Variants in TMPRSS15 observed in about 807,000 individuals in gnomAD.
The protein encoded by TMPRSS15 is transmembrane serine protease 15, also known as enteropeptidase.
In TMPRSS15, 128 loss-of-function variants were observed where a neutral mutation model predicts 125.3. That is an observed-to-expected ratio of 1.02 (90% CI 0.89 to 1.18). The LOEUF is 1.18. TMPRSS15 is among the 50% of genes most tolerant of loss of function. The probability of loss-of-function intolerance (pLI) is 0.00; values close to 1 mark genes in which losing one functional copy is unlikely to be tolerated. For missense variants in TMPRSS15, 1,283 were observed against 1,212.7 expected (o/e 1.06, Z -0.86); for synonymous variants, 446 against 423.2 (o/e 1.05, Z -0.66).
rs1463165498 is a variant in TMPRSS15 at position 18,344,085 on chromosome 21, A to G, written c.1172-25T>C. Reference sequence around the variant, plus strand: ...CCTGTAAAAATATCAAAAAAAATTTATTTCACTTAAATATTGCATTTTCAT... The same window carrying G: ...CCTGTAAAAATATCAAAAAAAATTTGTTTCACTTAAATATTGCATTTTCAT... On this transcript the variant is annotated intron_variant, in intron 10 of 24. Transcript: ENST00000284885. 3.2e-6 allele frequency: 5 copies of G among 1,577,300 alleles called. No individual in the cohort carries two copies. The South Asian group carries it at 4.4e-5, about 14-fold the overall frequency.
intron 3 of TMPRSS15, among the ~76,000 whole-genome samples, chr21:18,386,691 T>C (rs180686573): frequency 4.1e-4 from 62 of 152,332 alleles, no homozygotes; most frequent in Non-Finnish European, 8.8e-5. Context: ...TAAAATGAAG[T>C]GAGAGTGAAC....
intron 16 of TMPRSS15, 122 bp downstream of exon 16, chr21:18,326,310 G>A (rs1412185000): frequency 4.5e-6 from 6 of 1,343,442 alleles, no homozygotes; most frequent in Non-Finnish European, 6.4e-6. Flanking sequence ...TCATTAAGAT[G>A]AGGAAGAATA....
intron 16 of TMPRSS15, among the ~76,000 whole-genome samples, chr21:18,323,602 A>C (rs1488702716): frequency 6.6e-6 from 1 of 152,214 alleles, no homozygotes; most frequent in Non-Finnish European, 1.5e-5. Context: ...AATTGTTTGG[A>C]TACCTCAATA....
At chr21:18,415,861 C>T (rs147015414) in intron 1 of TMPRSS15, among the ~76,000 whole-genome samples, 140 of 152,146 alleles carry the variant, frequency 9.2e-4, no homozygotes, top group African/African-American at 2.6e-3. Context: ...ATAAAATGTT[C>T]TCTGTTTGTA....
intron 1 of TMPRSS15, among the ~76,000 whole-genome samples, chr21:18,454,649 A>G (rs1569072212): frequency 6.6e-6 from 1 of 152,114 alleles, no homozygotes; most frequent in African/African-American, 2.4e-5. Context: ...GCCAGAGTCT[A>G]AAGGCTGGAG....
chr21:18,432,863 C>G (rs759812688), intron 1 of TMPRSS15, among the ~76,000 whole-genome samples: 1 of 152,080 alleles, frequency 6.6e-6, no homozygotes, highest in Admixed American at 6.5e-5. Flanking sequence ...CAGTAAAATT[C>G]TTCTCTAGTT....
chr21:18,365,191 G>C lies in TMPRSS15; in HGVS notation c.722C>G (p.Thr241Ser). The C allele has an allele frequency of 6.2e-7, 1 of 1,614,096 alleles. No individual in the cohort carries two copies. Among genetic ancestry groups the C allele is most frequent in the African/African-American group, 1.3e-5 (1 of 75,036 alleles). ...TGTTTCAGAAGGTTTTGGATAATGA[G>C]TAGCCTGGAAAGACCCAGATGATCC... The part of the protein sequence containing the change: ...LTGSSGSFQA[T>S]HYPKPSETSV... Residue 241 changes from threonine (T) to serine (S), a missense_variant, in exon 7 of 25, where the codon ACT becomes AGT. Thr to Ser is a moderately conservative substitution (Grantham distance 58). Coordinates refer to ENST00000284885, the MANE Select transcript of TMPRSS15 (RefSeq NM_002772.3).
intron 1 of TMPRSS15, among the ~76,000 whole-genome samples, chr21:18,401,219 C>T (rs1394127302): frequency 6.6e-6 from 1 of 152,078 alleles, no homozygotes; most frequent in African/African-American, 2.4e-5. Context: ...CCCAGCAATC[C>T]CATTACTGGG....
chr21:18,295,660 T>G (rs1031641056), intron 19 of TMPRSS15, among the ~76,000 whole-genome samples: 1 of 152,250 alleles, frequency 6.6e-6, no homozygotes, highest in Non-Finnish European at 1.5e-5. Context: ...ACTGGCATAT[T>G]CTTTACAACA....
At chr21:18,465,608 A>G (rs1978643637) in intron 1 of TMPRSS15, among the ~76,000 whole-genome samples, 1 of 152,176 alleles carries the variant, frequency 6.6e-6, no homozygotes, top group Non-Finnish European at 1.5e-5. Flanking sequence ...GCATTCCTAT[A>G]AACAAATAAC....
At chr21:18,270,628 C>T (rs943645537) in intron 24 of TMPRSS15, among the ~76,000 whole-genome samples, 4 of 152,130 alleles carry the variant, frequency 2.6e-5, no homozygotes, top group Admixed American at 6.5e-5. Context: ...CAAACACCAT[C>T]CGATTTGAAA....
chr21:18,421,574 G>T (rs2076192006), intron 1 of TMPRSS15, among the ~76,000 whole-genome samples: 1 of 152,030 alleles, frequency 6.6e-6, no homozygotes, highest in African/African-American at 2.4e-5. Flanking sequence ...TTTAATTTAG[G>T]AATGCCAAAG....
At chr21:18,479,619 G>A (rs1174796587) in intron 1 of TMPRSS15, among the ~76,000 whole-genome samples, 3 of 151,902 alleles carry the variant, frequency 2.0e-5, no homozygotes, top group Non-Finnish European at 4.4e-5. Flanking sequence ...CATTTATGTG[G>A]CCCACAAACA....
At position 18,281,063 on chromosome 21, in the gene TMPRSS15, A is replaced by G. The variant is rs757096120; in HGVS notation, c.2645T>C (p.Leu882Pro). ...ACCTGTGTAATTCACTTTAAATTCCAGATGCATCATGGCAATGTCGTTGTC... is the reference window on the plus strand; with the variant it reads ...ACCTGTGTAATTCACTTTAAATTCCGGATGCATCATGGCAATGTCGTTGTC... ...RKDNDIAMMH[L>P]EFKVNYTDYI... The change falls in exon 22 of 25, where the codon CTG (leucine) becomes CCG (proline). Residue 882 changes from leucine (L) to proline (P), a missense_variant. Physicochemically the swap from Leu to Pro is moderately conservative, Grantham distance 98 (BLOSUM62 -3). Coordinates refer to ENST00000284885, the MANE Select transcript of TMPRSS15 (RefSeq NM_002772.3). The G allele has an allele frequency of 2.5e-6, 4 of 1,613,920 alleles. No homozygotes were observed. The East Asian group carries it at 8.9e-5, about 36-fold the overall frequency.
chr21:18,358,535 TA>T (rs1440291238), intron 8 of TMPRSS15, among the ~76,000 whole-genome samples: 1 of 151,900 alleles, frequency 6.6e-6, no homozygotes, highest in African/African-American at 2.4e-5. Flanking sequence ...CATTTTTTTT[TA>T]AGAGCAAATG....
intron 1 of TMPRSS15, among the ~76,000 whole-genome samples, chr21:18,437,832 G>T (rs1186773333): frequency 6.6e-6 from 1 of 152,142 alleles, no homozygotes; most frequent in Non-Finnish European, 1.5e-5. Flanking sequence ...AACAACAGGT[G>T]CTGGAGAGGA....
At chr21:18,377,040 A>C (rs992975446) in intron 5 of TMPRSS15, among the ~76,000 whole-genome samples, 2 of 152,164 alleles carry the variant, frequency 1.3e-5, no homozygotes, top group East Asian at 3.9e-4. Context: ...TGCAGTTTTC[A>C]TGTTTAATTG....
intron 13 of TMPRSS15, 130 bp downstream of exon 13, chr21:18,341,283 C>T: frequency 1.8e-6 from 2 of 1,081,436 alleles, no homozygotes; most frequent in East Asian, 4.8e-5. Context: ...AATCCTCAGG[C>T]TGGTCTCAAA....
At chr21:18,294,196 G>A in intron 21 of TMPRSS15, 74 bp downstream of exon 21, 1 of 1,563,092 alleles carries the variant, frequency 6.4e-7, no homozygotes. Flanking sequence ...TTGTGATGCT[G>A]CATGAAATGG....
Sources: allele counts gnomAD v4.1 joint callset (sites outside exome capture counted in the v4.1 genomes callset), GRCh38; gene constraint gnomAD v4.1.1; transcripts MANE v1.5; gene names NCBI Gene and HGNC (gene_info 2026-07-23, HGNC 2026-07-21).